Variants in RPTOR observed in about 807,000 individuals in gnomAD.
RPTOR encodes regulatory associated protein of MTOR complex 1.
RPTOR carries 21 observed loss-of-function variants against 169.9 expected under a neutral mutation model. That is an observed-to-expected ratio of 0.12 (90% CI 0.09 to 0.18). The LOEUF (loss-of-function observed/expected upper bound fraction) is 0.18. Ranked by LOEUF, RPTOR falls within the 10% of genes least tolerant of loss-of-function variation. The pLI, the probability that RPTOR is intolerant of heterozygous loss-of-function variation, is 1.00. For missense variants in RPTOR, 1,133 were observed against 1,855.9 expected, an observed-to-expected ratio of 0.61 and a Z score of 7.16; for synonymous variants, 732 against 753.2, an observed-to-expected ratio of 0.97 and a Z score of 0.46.
Position 80,957,855 on chromosome 17 carries a change from TG to T in RPTOR, c.3477+128del. 1.2e-6 allele frequency: 1 copy of T among 834,296 alleles called. No homozygotes were observed. Among genetic ancestry groups the T allele is most frequent in the Admixed American group, 2.1e-5 (1 of 48,262 alleles). The allele number at this position is 834,296 out of a possible 1,614,324, so 51.7% of individuals were successfully genotyped here. A position where few individuals can be genotyped will look rare whatever the true frequency, so the allele number is the denominator to read the frequency against. On this transcript the variant is annotated intron_variant, in intron 29 of 33. Coordinates refer to ENST00000306801, the MANE Select transcript of RPTOR (RefSeq NM_020761.3). The surrounding 1 kb of genome is among the most constrained non-coding windows in gnomAD (Gnocchi z 4.6). ...CCATCCCAGGGGTGGAGTCAGGGCC[TG>T]GGAGGACAGTGCCGGGACAATGCTG...
At chr17:80,830,556 G>A (rs565681862) in intron 9 of RPTOR, among the ~76,000 whole-genome samples, 33 of 152,288 alleles carry the variant, frequency 2.2e-4, no homozygotes, top group African/African-American at 7.7e-4. Flanking sequence ...TGCGCCCCAC[G>A]GTGCCCCCGC....
At chr17:80,809,953 C>T (rs970445300) in intron 7 of RPTOR, among the ~76,000 whole-genome samples, 5 of 152,092 alleles carry the variant, frequency 3.3e-5, no homozygotes, top group African/African-American at 9.7e-5. Flanking sequence ...AGGAGAATCG[C>T]TTGAACCCGG....
chr17:80,711,904 C>T (rs1016875685), intron 4 of RPTOR, among the ~76,000 whole-genome samples: 1 of 151,982 alleles, frequency 6.6e-6, no homozygotes, highest in Non-Finnish European at 1.5e-5. Context: ...CCGCCACGCC[C>T]GGCTAATATT....
chr17:80,859,995 G>A (rs1489692006), intron 13 of RPTOR, among the ~76,000 whole-genome samples: 1 of 152,188 alleles, frequency 6.6e-6, no homozygotes, highest in Non-Finnish European at 1.5e-5. Flanking sequence ...AAGTCACAGA[G>A]CAAGTACAGG....
intron 7 of RPTOR, among the ~76,000 whole-genome samples, chr17:80,819,559 TCC>T (rs1303783074): frequency 3.9e-5 from 6 of 152,218 alleles, no homozygotes; most frequent in African/African-American, 1.4e-4. Flanking sequence ...ACACCCTACA[TCC>T]CATTTCCCCA....
chr17:80,654,629 G>C (rs567971004), intron 3 of RPTOR, among the ~76,000 whole-genome samples: 1 of 152,242 alleles, frequency 6.6e-6, no homozygotes. Flanking sequence ...GGTTGCATGT[G>C]TGGCAGGCTC....
rs4889869 is a variant in RPTOR at position 80,623,393 on chromosome 17, T to C, written c.163-2298T>C. Among the ~76,000 whole-genome samples the C allele has an allele frequency of 2.6e-3, 397 of 152,334 alleles. 5 individuals carry two copies. Among genetic ancestry groups the C allele is most frequent in the Admixed American group, 0.022 (334 of 15,304 alleles). On this transcript the variant is annotated intron_variant, in intron 1 of 33. Coordinates refer to ENST00000306801, the MANE Select transcript of RPTOR (RefSeq NM_020761.3). The stretch of plus-strand genomic sequence containing the variant: ...AAACTGTTATGGGGAAATACATATA[T>C]TTCCCTGAAACACTCATGAAATATC...
At chr17:80,637,450 C>T (rs962438105) in intron 2 of RPTOR, among the ~76,000 whole-genome samples, 5 of 152,340 alleles carry the variant, frequency 3.3e-5, no homozygotes, top group African/African-American at 9.6e-5. Flanking sequence ...ACCCCTGCTC[C>T]GCCCCCCTCT....
chr17:80,815,585 C>T (rs188685501), intron 7 of RPTOR, among the ~76,000 whole-genome samples: 8 of 152,382 alleles, frequency 5.2e-5, no homozygotes, highest in Admixed American at 3.3e-4. Flanking sequence ...GTGGAGATCA[C>T]ACCATGTGCT....
At chr17:80,700,569 T>C in intron 3 of RPTOR, among the ~76,000 whole-genome samples, 1 of 146,346 alleles carries the variant, frequency 6.8e-6, no homozygotes, top group Non-Finnish European at 1.5e-5. Flanking sequence ...GTAGAGATGA[T>C]GGTGATGGTG....
intron 1 of RPTOR, among the ~76,000 whole-genome samples, chr17:80,580,040 C>T (rs1220771344): frequency 2.6e-5 from 4 of 152,166 alleles, no homozygotes; most frequent in Admixed American, 2.6e-4. Context: ...GGGCCAAATA[C>T]TATGTGCAAT....
chr17:80,776,321 CTTTTTTTTTTT>C (rs545348018), intron 6 of RPTOR, among the ~76,000 whole-genome samples: 1 of 112,252 alleles, frequency 8.9e-6, no homozygotes, highest in Non-Finnish European at 1.7e-5. Flanking sequence ...GCCAAACTTC[CTTTTTTTTTTT>C]TTTTTTTTGA....
chr17:80,922,845 A>G lies in RPTOR; in HGVS notation c.2624+18A>G. The stretch of plus-strand genomic sequence containing the variant: ...CAGGCGGGGTAAGTGCCGCCCGCTC[A>G]GCCTGCAGGTCCGTGGTGGTGACCG... On this transcript the variant is annotated intron_variant, in intron 22 of 33. Transcript: ENST00000306801. The G allele has an allele frequency of 6.5e-7, 1 of 1,541,826 alleles. No homozygotes were observed.
chr17:80,945,304 A>G (rs1162734350), intron 25 of RPTOR, among the ~76,000 whole-genome samples: 2 of 151,996 alleles, frequency 1.3e-5, no homozygotes, highest in African/African-American at 4.8e-5. Flanking sequence ...TTAAAAAATA[A>G]AAAAGGGGCC....
At chr17:80,614,793 A>G (rs942663988) in intron 1 of RPTOR, among the ~76,000 whole-genome samples, 5 of 152,236 alleles carry the variant, frequency 3.3e-5, no homozygotes, top group Non-Finnish European at 7.3e-5. Flanking sequence ...ATTCTGAACC[A>G]TGGACTTTAT....
intron 7 of RPTOR, among the ~76,000 whole-genome samples, chr17:80,810,386 T>A (rs1394374450): frequency 6.7e-6 from 1 of 149,466 alleles, no homozygotes; most frequent in Non-Finnish European, 1.5e-5. Flanking sequence ...GTTCCAGCAC[T>A]GTTTGTGGAA....
At chr17:80,617,887 G>A (rs1387457163) in intron 1 of RPTOR, among the ~76,000 whole-genome samples, 1 of 152,126 alleles carries the variant, frequency 6.6e-6, no homozygotes, top group East Asian at 1.9e-4. Context: ...TCACACACCC[G>A]CACCAGGGCT....
intron 10 of RPTOR, 90 bp downstream of exon 10, chr17:80,838,087 GC>G: frequency 1.9e-6 from 2 of 1,076,430 alleles, no homozygotes; most frequent in Non-Finnish European, 2.7e-6. Flanking sequence ...TGGGGGTGGT[GC>G]CCAGGACTCT....
chr17:80,877,947 A>G lies in RPTOR; in HGVS notation c.1510-2468A>G, dbSNP rs1245977394. ...GGCAGAAACACCTCATTGTAAGAGC[A>G]CCCCTGAGAAATGGCGGGGTTAGGG... is the stretch of plus-strand genomic sequence containing the variant. On this transcript the variant is annotated intron_variant, in intron 13 of 33. Coordinates refer to ENST00000306801, the MANE Select transcript of RPTOR (RefSeq NM_020761.3). Among the ~76,000 whole-genome samples the G allele has an allele frequency of 3.3e-5, 5 of 152,030 alleles. No homozygotes were observed. The East Asian group carries it at 9.6e-4, about 29-fold the overall frequency.
Sources: gnomAD v4.1 joint callset for allele counts (sites outside exome capture counted in the v4.1 genomes callset) on GRCh38, gnomAD v4.1.1 for gene constraint, Gnocchi (gnomAD v3.1) non-coding constraint, MANE v1.5 for transcripts, NCBI Gene and HGNC (gene_info 2026-07-23, HGNC 2026-07-21) for gene names.